Variants in KLF12 observed in about 807,000 individuals in gnomAD.
KLF12 encodes the protein Krueppel-like factor 12.
In KLF12, 9 loss-of-function variants were observed where a neutral mutation model predicts 37.8. The ratio of observed to expected loss-of-function variants is 0.24; its 90% CI spans 0.14 to 0.42. The LOEUF is 0.42. Ranked by LOEUF, KLF12 falls within the 10% of genes least tolerant of loss-of-function variation. The pLI is 1.00. For missense variants in KLF12, 411 were observed against 516.0 expected, an observed-to-expected ratio of 0.80 and a Z score of 1.97; for synonymous variants, 208 against 202.1, an observed-to-expected ratio of 1.03 and a Z score of -0.25.
chr13:73,925,528 C>A (rs1729210579), intron 3 of KLF12, among the ~76,000 whole-genome samples: 1 of 152,166 alleles, frequency 6.6e-6, no homozygotes, highest in Admixed American at 6.5e-5. Flanking sequence ...TGTACCTAGT[C>A]ACCCAAAAGC....
chr13:73,937,035 C>G (rs1294273175), intron 3 of KLF12, among the ~76,000 whole-genome samples: 1 of 152,026 alleles, frequency 6.6e-6, no homozygotes. Flanking sequence ...ACTAAAAATA[C>G]AAAAATTAGC....
At chr13:74,149,972 TCCCAGACAA>T in the KLF12 span, among the ~76,000 whole-genome samples, 1 of 152,216 alleles carries the variant, frequency 6.6e-6, no homozygotes, top group African/African-American at 2.4e-5. Flanking sequence ...AGTGAGGGCT[TCCCAGACAA>T]CCTTTTCAAA....
At chr13:74,251,370 T>C in the KLF12 span, among the ~76,000 whole-genome samples, 1 of 152,162 alleles carries the variant, frequency 6.6e-6, no homozygotes, top group African/African-American at 2.4e-5. Context: ...GGTCTTGAAC[T>C]CCTGACCTCA....
the KLF12 span, among the ~76,000 whole-genome samples, chr13:74,157,497 G>T: frequency 2.0e-5 from 3 of 152,148 alleles, no homozygotes; most frequent in Admixed American, 2.0e-4. Flanking sequence ...GTAAGGGAGG[G>T]AGGTTGGCTA....
intron 2 of KLF12, among the ~76,000 whole-genome samples, chr13:73,965,615 T>C (rs1463548268): frequency 6.6e-6 from 1 of 152,218 alleles, no homozygotes; most frequent in Admixed American, 6.5e-5. Flanking sequence ...ACGTGGAGGC[T>C]GACTTAGCAT....
At chr13:74,100,690 A>G (rs1352271012) in intron 1 of KLF12, among the ~76,000 whole-genome samples, 4 of 152,144 alleles carry the variant, frequency 2.6e-5, no homozygotes, top group African/African-American at 9.7e-5. Context: ...AGACATAAAC[A>G]CTGCTATAAG....
At chr13:73,945,854 TA>T (rs1890399588) in intron 2 of KLF12, among the ~76,000 whole-genome samples, 1 of 152,238 alleles carries the variant, frequency 6.6e-6, no homozygotes, top group Non-Finnish European at 1.5e-5. Flanking sequence ...TCTTAATAGA[TA>T]ATTTAGAGCA....
At chr13:74,148,211 G>A in the KLF12 span, among the ~76,000 whole-genome samples, 11 of 151,794 alleles carry the variant, frequency 7.2e-5, no homozygotes, top group South Asian at 4.2e-4. Flanking sequence ...CACCACCCCC[G>A]GCCTGTTCTC....
chr13:73,924,056 A>C (rs1311914113), intron 3 of KLF12, among the ~76,000 whole-genome samples: 1 of 148,152 alleles, frequency 6.7e-6, no homozygotes, highest in African/African-American at 2.5e-5. Flanking sequence ...ATGAACTGAC[A>C]CAAACATCAT....
intron 5 of KLF12, among the ~76,000 whole-genome samples, chr13:73,811,070 C>T (rs1230699947): frequency 7.4e-6 from 1 of 134,400 alleles, no homozygotes; most frequent in Non-Finnish European, 1.5e-5. Flanking sequence ...ACTGCAACCT[C>T]TCCCTACTGG....
At chr13:73,897,403 G>C (rs117051420) in intron 3 of KLF12, among the ~76,000 whole-genome samples, 2,965 of 152,108 alleles carry the variant, frequency 0.019, 57 homozygotes, top group South Asian at 0.036. Flanking sequence ...CCATGTTTAC[G>C]ACCCTTGGGC....
At chr13:74,214,059 ATAGT>A in the KLF12 span, among the ~76,000 whole-genome samples, 38 of 152,308 alleles carry the variant, frequency 2.5e-4, no homozygotes, top group East Asian at 3.9e-3. Flanking sequence ...GTCAAGTAGC[ATAGT>A]TAAATTTTCT....
At chr13:74,021,455 C>T (rs1019016866) in intron 1 of KLF12, among the ~76,000 whole-genome samples, 23 of 152,064 alleles carry the variant, frequency 1.5e-4, no homozygotes, top group Non-Finnish European at 2.2e-4. Context: ...TCGTTTGTGA[C>T]GCAGGGGATT....
intron 3 of KLF12, among the ~76,000 whole-genome samples, chr13:73,883,580 G>C (rs557132725): frequency 6.6e-6 from 1 of 152,334 alleles, no homozygotes; most frequent in South Asian, 2.1e-4. Context: ...TAACATGGTA[G>C]TTAATTCAAT....
At chr13:73,879,077 C>T (rs1340277109) in intron 3 of KLF12, among the ~76,000 whole-genome samples, 1 of 152,040 alleles carries the variant, frequency 6.6e-6, no homozygotes, top group African/African-American at 2.4e-5. Flanking sequence ...TTTCCACAGC[C>T]CACAAGAAAA....
intron 2 of KLF12, among the ~76,000 whole-genome samples, chr13:73,970,357 G>GT (rs34226117): frequency 0.059 from 8,513 of 144,312 alleles, 365 homozygotes; most frequent in East Asian, 0.13. Context: ...ACTGGTGCTG[G>GT]TTTTTTTTTT....
chr13:74,012,233 T>TAAG (rs1283599840), intron 1 of KLF12, among the ~76,000 whole-genome samples: 1 of 152,212 alleles, frequency 6.6e-6, no homozygotes, highest in Non-Finnish European at 1.5e-5. Flanking sequence ...CTTTAGTTCT[T>TAAG]AGAAAATTCT....
chr13:74,109,388 G>C (rs116449408), intron 1 of KLF12, among the ~76,000 whole-genome samples: 1 of 151,916 alleles, frequency 6.6e-6, no homozygotes, highest in African/African-American at 2.4e-5. Flanking sequence ...GCACTGGGGG[G>C]AGTAAGTAAT....
the KLF12 span, among the ~76,000 whole-genome samples, chr13:74,287,349 T>TGAGAGAGAGAGAGATAGAGAGAGA: frequency 1.4e-5 from 1 of 71,866 alleles, no homozygotes; most frequent in African/African-American, 6.2e-5. Context: ...CTATCAAAGT[T>TGAGAGAGAGAGAGATAGAGAGAGA]GAGAGAGAGA....
Sources: gnomAD v4.1 joint callset for allele counts (sites outside exome capture counted in the v4.1 genomes callset) on GRCh38, gnomAD v4.1.1 for gene constraint, MANE v1.5 for transcripts, NCBI Gene and HGNC (gene_info 2026-07-23, HGNC 2026-07-21) for gene names.